Variants in GTSE1 observed in about 807,000 individuals in gnomAD.
GTSE1 encodes G2 and S-phase expressed 1.
Under a neutral mutation model 60.5 loss-of-function variants are expected in GTSE1, and 52 were observed. The observed-to-expected ratio is 0.86, with a 90% CI of 0.69 to 1.08. The LOEUF (loss-of-function observed/expected upper bound fraction) is 1.08, where lower values mean the gene tolerates loss of function less well. Ranked by LOEUF, GTSE1 falls within the 50% of genes least tolerant of loss-of-function variation. The pLI is 0.00. For synonymous variants in GTSE1, 368 were observed against 386.5 expected (o/e 0.95, Z 0.56); for missense variants, 937 against 961.8 (o/e 0.97, Z 0.34).
chr22:46,299,005 C>T (rs1410005537), intron 2 of GTSE1, among the ~76,000 whole-genome samples: 1 of 152,220 alleles, frequency 6.6e-6, no homozygotes, highest in African/African-American at 2.4e-5. Flanking sequence ...CCTCCCATTC[C>T]GGCTTCTGTC....
intron 2 of GTSE1, among the ~76,000 whole-genome samples, chr22:46,307,276 T>C (rs2077720615): frequency 6.6e-6 from 1 of 152,192 alleles, no homozygotes. Context: ...ATTTGAGTAA[T>C]ATTAAATTCA....
At position 46,316,260 on chromosome 22, in the gene GTSE1, G is replaced by A. The variant is rs759436954; in HGVS notation, c.1280G>A (p.Gly427Asp). The A allele has an allele frequency of 2.5e-6, 4 of 1,613,896 alleles. No individual in the cohort carries two copies. Among genetic ancestry groups the A allele is most frequent in the Non-Finnish European group, 3.4e-6 (4 of 1,180,026 alleles). The change falls in exon 7 of 12, where the codon GGC (glycine) becomes GAC (aspartate). Residue 427 changes from glycine to aspartate, a missense_variant. Coordinates refer to ENST00000454366, the MANE Select transcript of GTSE1 (RefSeq NM_016426.7). The surrounding 1 kb of genome is among the most constrained non-coding windows in gnomAD (Gnocchi z 5.0). ...SPTQPQTPEG[G>D]GQWLNSSCAW... ...ACCCAACCCCAGACTCCGGAAGGTG[G>A]CGGCCAGTGGCTGAACTCCAGTTGC...
chr22:46,313,985 T>A lies in GTSE1; in HGVS notation c.1023T>A (p.Ser341Arg), dbSNP rs2077764253. The change falls in exon 6 of 12, where the codon AGT becomes AGA. Residue 341 changes from serine (S) to arginine (R), a missense_variant. Ser to Arg is a moderately radical substitution (Grantham distance 110). Transcript: ENST00000454366. The surrounding 1 kb of genome is among the most constrained non-coding windows in gnomAD (Gnocchi z 4.4). ...SSGPVWSGAS[S>R]ACTSPAVGKA... ...GGCCTGTTTGGAGCGGGGCATCCAG[T>A]GCGTGCACATCCCCAGCAGTGGGCA... 1.9e-6 allele frequency: 3 copies of A among 1,614,170 alleles called. No homozygotes were observed. The highest frequency in any genetic ancestry group is 2.5e-6 in the Non-Finnish European group (3 of 1,179,996).
intron 8 of GTSE1, among the ~76,000 whole-genome samples, chr22:46,323,561 C>A (rs1022073229): frequency 6.6e-6 from 1 of 152,206 alleles, no homozygotes; most frequent in African/African-American, 2.4e-5. Context: ...CGTGCCCAGC[C>A]CACCCCAGGG....
In GTSE1 at chr22:46,319,077, A is replaced by G. The variant is rs138070722; in HGVS notation, c.1432+2665A>G. On this transcript the variant is annotated intron_variant, in intron 7 of 11. Coordinates refer to ENST00000454366, the MANE Select transcript of GTSE1 (RefSeq NM_016426.7). The surrounding 1 kb of genome is among the most constrained non-coding windows in gnomAD (Gnocchi z 5.0). ...TGTCTTTATTCCGCACACAGCTGAA[A>G]TTTCTTACTGAGAAGAGGAAAGTTG... 6.6e-6 allele frequency among the ~76,000 whole-genome samples: 1 copy of G among 152,322 alleles called. No individual in the cohort carries two copies. Among genetic ancestry groups the G allele is most frequent in the Non-Finnish European group, 1.5e-5 (1 of 68,024 alleles).
chr22:46,300,090 A>G (rs2077681070), intron 2 of GTSE1, among the ~76,000 whole-genome samples: 1 of 141,850 alleles, frequency 7.0e-6, no homozygotes, highest in Admixed American at 7.3e-5. Context: ...GGCATGAGCC[A>G]CTGTGCTCAG....
rs75159461 is a variant in GTSE1, at chr22:46,328,865, G to C, written c.1902G>C (p.Pro634=). The C allele has an allele frequency of 2.3e-4, 373 of 1,613,658 alleles. 4 individuals carry two copies. The East Asian group carries it at 8.0e-3, about 35-fold the overall frequency. The part of the protein sequence containing the change: ...ATEVAREEAK[P]GGDAAPSEAL... ...AAGTAGCTCGGGAGGAAGCCAAGCC[G>C]GGTGGAGATGCAGCCCCTAGTGAGG... Residue 634 remains proline, a synonymous_variant, in exon 10 of 12, where the codon CCG becomes CCC. Coordinates refer to ENST00000454366, the MANE Select transcript of GTSE1 (RefSeq NM_016426.7).
rs991992408 is a variant in GTSE1 at position 46,320,672 on chromosome 22, C to T, written c.1433-2518C>T. 2.6e-5 allele frequency among the ~76,000 whole-genome samples: 4 copies of T among 152,222 alleles called. No individual in the cohort carries two copies. The highest frequency in any genetic ancestry group is 9.6e-5 in the African/African-American group (4 of 41,452). On this transcript the variant is annotated intron_variant, in intron 7 of 11. Transcript: ENST00000454366. This position sits in a 1 kb window ranked among gnomAD's most constrained non-coding sequence, Gnocchi z 7.1. ...CAAGCAGCATTCTTTGTAAAACAGT[C>T]CAGTTACAAATGTTGCTATTTACTA... is the stretch of plus-strand genomic sequence containing the variant.
intron 2 of GTSE1, among the ~76,000 whole-genome samples, chr22:46,300,161 C>T (rs1296779479): frequency 6.7e-6 from 1 of 150,366 alleles, no homozygotes; most frequent in African/African-American, 2.5e-5. Flanking sequence ...GCAGTGGCGA[C>T]ATCTTGGCTC....
At position 46,324,611 on chromosome 22, in the gene GTSE1, C is replaced by G. The variant is rs571089453; in HGVS notation, c.1505+1349C>G. On this transcript the variant is annotated intron_variant, in intron 8 of 11. Transcript: ENST00000454366. This position sits in a 1 kb window ranked among gnomAD's most constrained non-coding sequence, Gnocchi z 5.2. Reference sequence around the variant, plus strand: ...CTCGATCTCCTGGCCTCGTGATCCACCAGCCTTGGCCTCGCAAAGTGCTGG... The same window carrying G: ...CTCGATCTCCTGGCCTCGTGATCCAGCAGCCTTGGCCTCGCAAAGTGCTGG... 1.3e-5 allele frequency among the ~76,000 whole-genome samples: 2 copies of G among 152,296 alleles called. No homozygotes were observed. The highest frequency in any genetic ancestry group is 1.3e-4 in the Admixed American group (2 of 15,298).
At chr22:46,315,989 C>T (rs1601910293) in intron 6 of GTSE1, 43 bp from the exon 7 acceptor site, 1 of 1,430,082 alleles carries the variant, frequency 7.0e-7, no homozygotes, top group Admixed American at 2.5e-5. Flanking sequence ...TAAATAGCTT[C>T]ATACTTTTAT....
In GTSE1 at chr22:46,318,958, CA is replaced by C. The variant is rs1277215857; in HGVS notation, c.1432+2547del. Among the ~76,000 whole-genome samples the C allele has an allele frequency of 6.6e-6, 1 of 152,160 alleles. No individual in the cohort carries two copies. On this transcript the variant is annotated intron_variant, in intron 7 of 11. Coordinates refer to ENST00000454366, the MANE Select transcript of GTSE1 (RefSeq NM_016426.7). The surrounding 1 kb of genome is among the most constrained non-coding windows in gnomAD (Gnocchi z 4.8). ...TTCTAGGTGAAGAAGAGCAAATCCC[CA>C]CCTTTCAAGGACCCTCACTGCAAGT...
At position 46,321,952 on chromosome 22, in the gene GTSE1, T is replaced by TAGG; in HGVS notation, c.1433-1237_1433-1236insGGA. Among the ~76,000 whole-genome samples, 1 of 151,250 alleles carries TAGG rather than the reference T, an allele frequency of 6.6e-6. No individual in the cohort carries two copies. Among genetic ancestry groups the TAGG allele is most frequent in the Non-Finnish European group, 1.5e-5 (1 of 67,844 alleles). ...ATCCGGGCGTGGTGGCGGGCACCTA[T>TAGG]AATTCCAGCTACTCAGGAGGCTGAG... On this transcript the variant is annotated intron_variant, in intron 7 of 11. Transcript: ENST00000454366. This position sits in a 1 kb window ranked among gnomAD's most constrained non-coding sequence, Gnocchi z 4.0.
rs374625128 is a variant in GTSE1, at chr22:46,306,783, C to T, written c.80-1367C>T. Among the ~76,000 whole-genome samples the T allele has an allele frequency of 9.8e-5, 15 of 152,318 alleles. No homozygotes were observed. In the East Asian group the frequency reaches 1.3e-3, roughly 14 times the overall value. On this transcript the variant is annotated intron_variant, in intron 2 of 11. Coordinates refer to ENST00000454366, the MANE Select transcript of GTSE1 (RefSeq NM_016426.7). ...GATTACAGGTGTGAGCCACCTTGCC[C>T]GGCCTTCATTGTTTATTAAGATAAA... is the stretch of plus-strand genomic sequence containing the variant.
chr22:46,307,813 TA>T (rs554618997), intron 2 of GTSE1, among the ~76,000 whole-genome samples: 13,730 of 142,108 alleles, frequency 0.097, 683 homozygotes, highest in Non-Finnish European at 0.11. Flanking sequence ...CTGATGCAAT[TA>T]AAAAAAAAAA....
intron 9 of GTSE1, 129 bp downstream of exon 9, chr22:46,326,783 T>C (rs966788346): frequency 1.1e-5 from 7 of 623,750 alleles, no homozygotes; most frequent in Non-Finnish European, 1.9e-5. Context: ...GTTTGTTTGT[T>C]TTTTTTTTCA....
chr22:46,324,371 C>A lies in GTSE1; in HGVS notation c.1505+1109C>A, dbSNP rs2077831797. 6.6e-6 allele frequency among the ~76,000 whole-genome samples: 1 copy of A among 151,942 alleles called. No individual in the cohort carries two copies. Among genetic ancestry groups the A allele is most frequent in the African/African-American group, 2.4e-5 (1 of 41,372 alleles). On this transcript the variant is annotated intron_variant, in intron 8 of 11. Transcript: ENST00000454366. The surrounding 1 kb of genome is among the most constrained non-coding windows in gnomAD (Gnocchi z 5.2). Reference sequence around the variant, plus strand: ...TTACATTTATTGGAATTTTTCTTTTCTTTTCTTTTTTTTTGAGACAGAGTC... The same window carrying A: ...TTACATTTATTGGAATTTTTCTTTTATTTTCTTTTTTTTTGAGACAGAGTC...
rs1221076830 is a variant in GTSE1, at chr22:46,316,704, G to A, written c.1432+292G>A. ...ATTTGATTATTATGTGCTTTGAGGT[G>A]GCTTTCTTTGCCTTTATCCCGCTGA... On this transcript the variant is annotated intron_variant, in intron 7 of 11. Transcript: ENST00000454366. This position sits in a 1 kb window ranked among gnomAD's most constrained non-coding sequence, Gnocchi z 5.0. Among the ~76,000 whole-genome samples, 1 of 152,052 alleles carries A rather than the reference G, an allele frequency of 6.6e-6. No homozygotes were observed. Among genetic ancestry groups the A allele is most frequent in the African/African-American group, 2.4e-5 (1 of 41,410 alleles).
At chr22:46,298,288 G>T (rs370273858) in intron 2 of GTSE1, among the ~76,000 whole-genome samples, 1 of 149,854 alleles carries the variant, frequency 6.7e-6, no homozygotes, top group African/African-American at 2.5e-5. Flanking sequence ...ACATCCCTTG[G>T]GTAGTTTTCT....
Sources: allele counts gnomAD v4.1 joint callset (sites outside exome capture counted in the v4.1 genomes callset), GRCh38; gene constraint gnomAD v4.1.1; non-coding constraint Gnocchi (gnomAD v3.1); transcripts MANE v1.5; gene names NCBI Gene and HGNC (gene_info 2026-07-23, HGNC 2026-07-21).